Variants in CYP4F12 observed in about 807,000 individuals in gnomAD.
CYP4F12 encodes cytochrome P450 4F12.
In CYP4F12, 60 loss-of-function variants were observed where a neutral mutation model predicts 56.5. That is an observed-to-expected ratio of 1.06 (90% CI 0.86 to 1.32). The LOEUF is 1.32. Among genes scored for constraint, CYP4F12 ranks in the 40% most tolerant of loss-of-function variants. CYP4F12 has a pLI of 0.00. For missense variants in CYP4F12, 711 were observed against 683.5 expected (o/e 1.04, Z -0.45); for synonymous variants, 263 against 264.9 (o/e 0.99, Z 0.07).
chr19:15,675,415 G>A (rs2006868944), intron 2 of CYP4F12, among the ~76,000 whole-genome samples: 1 of 152,202 alleles, frequency 6.6e-6, no homozygotes, highest in Non-Finnish European at 1.5e-5. Flanking sequence ...GCTGAGAATG[G>A]AGGGCCCTCA....
intron 9 of CYP4F12, among the ~76,000 whole-genome samples, chr19:15,687,980 C>G (rs1305755206): frequency 6.6e-6 from 1 of 152,136 alleles, no homozygotes; most frequent in Non-Finnish European, 1.5e-5. Context: ...TTGACCAGAA[C>G]CCGGGAGGCA....
chr19:15,681,784 G>GAAGT (rs2007314995), intron 5 of CYP4F12: 1 of 152,670 alleles, frequency 6.6e-6, no homozygotes, highest in Admixed American at 6.5e-5. Flanking sequence ...GGCTGATGAA[G>GAAGT]AAGTGCCTCT....
chr19:15,691,968 C>A (rs1238468414), intron 9 of CYP4F12, among the ~76,000 whole-genome samples: 4 of 151,596 alleles, frequency 2.6e-5, no homozygotes, highest in Admixed American at 6.6e-5. Flanking sequence ...TTTCTTTTTT[C>A]TTTTTTTGAG....
chr19:15,680,324 G>A, intron 4 of CYP4F12, 27 bp downstream of exon 4: 6 of 1,613,020 alleles, frequency 3.7e-6, no homozygotes, highest in East Asian at 2.2e-5. Context: ...GAAAGGGGTT[G>A]GGGACAACCT....
In CYP4F12 at chr19:15,696,910, A is replaced by G. The variant is rs61391486; in HGVS notation, c.1400A>G (p.Asn467Ser). 481 of 1,611,684 alleles carry G rather than the reference A, an allele frequency of 3.0e-4. 2 individuals are homozygous for G. The African/African-American group carries it at 5.9e-3, about 20-fold the overall frequency. Residue 467 changes from asparagine (N) to serine (S), a missense_variant and splice_region_variant, in exon 13 of 13, where the codon AAC becomes AGC. Physicochemically the swap from Asn to Ser is conservative, Grantham distance 46. Coordinates refer to ENST00000550308, the MANE Select transcript of CYP4F12 (RefSeq NM_023944.4). ...AFIPFSAGPR[N>S]CIGQAFAMAE... ...ACAGTCCCCACTCCCGCCTGCAGGA[A>G]CTGCATCGGGCAGGCGTTCGCCATG...
intron 2 of CYP4F12, among the ~76,000 whole-genome samples, chr19:15,673,991 C>T (rs188753582): frequency 5.5e-4 from 1 of 1,814 alleles, no homozygotes; most frequent in Non-Finnish European, 1.2e-3. Flanking sequence ...ATTCCTCTAC[C>T]CACTCACTCC....
At chr19:15,693,002 A>C (rs6512057) in intron 9 of CYP4F12, among the ~76,000 whole-genome samples, 1 of 151,810 alleles carries the variant, frequency 6.6e-6, no homozygotes, top group Non-Finnish European at 1.5e-5. Context: ...CACTTGAACC[A>C]GGGAGGTGGA....
At position 15,696,486 on chromosome 19, in the gene CYP4F12, T is replaced by A. The variant is rs751788413; in HGVS notation, c.1371T>A (p.Ala457=). 13 of 1,614,070 alleles carry A rather than the reference T, an allele frequency of 8.1e-6. No homozygotes were observed. The highest frequency in any genetic ancestry group is 9.3e-6 in the Non-Finnish European group (11 of 1,179,998). ...ACAGCAAGGGGAGGTCACCTCTGGC[T>A]TTTATTCCTTTCTCCGCAGGGCCCA... is the stretch of plus-strand genomic sequence containing the variant. The part of the protein sequence containing the change: ...PENSKGRSPL[A]FIPFSAGPRN... Residue 457 remains alanine, a synonymous_variant, in exon 12 of 13, where the codon GCT becomes GCA. Transcript: ENST00000550308.
intron 5 of CYP4F12, chr19:15,681,984 G>A (rs567854897): frequency 4.2e-4 from 69 of 165,040 alleles, no homozygotes; most frequent in Non-Finnish European, 7.6e-4. Context: ...GAGGGCCAGA[G>A]AGATTAGGGA....
intron 9 of CYP4F12, among the ~76,000 whole-genome samples, chr19:15,692,039 C>T (rs1158766644): frequency 2.0e-5 from 3 of 152,066 alleles, no homozygotes; most frequent in African/African-American, 7.2e-5. Flanking sequence ...CTTACTGAAA[C>T]CTCCTGCCTC....
At chr19:15,695,070 C>G (rs1478080965) in intron 9 of CYP4F12, among the ~76,000 whole-genome samples, 1 of 152,066 alleles carries the variant, frequency 6.6e-6, no homozygotes, top group African/African-American at 2.4e-5. Context: ...TATTGCGGCA[C>G]TATTCACAAC....
intron 2 of CYP4F12, among the ~76,000 whole-genome samples, chr19:15,674,940 TAGAC>T (rs199679449): frequency 0.024 from 3,708 of 152,112 alleles, 16 homozygotes; most frequent in African/African-American, 0.086. Context: ...TGAGCCCCGA[TAGAC>T]AGGCTGCTCC....
intron 2 of CYP4F12, among the ~76,000 whole-genome samples, chr19:15,674,087 CCACTCACTCACTCCTTTCCT>C (rs1568411830): frequency 1.6e-4 from 2 of 12,708 alleles, no homozygotes; most frequent in Non-Finnish European, 4.0e-4. Context: ...ATTCCTCTAC[CCACTCACTCACTCCTTTCCT>C]CACTCACTCA....
In CYP4F12 at chr19:15,683,696, A is replaced by T. The variant is rs1309461308; in HGVS notation, c.851A>T (p.Asp284Val). ...CGCACCCTCCCCACTCAGGGTATTG[A>T]TGATTTTTTCAAAGACAAAGCCAAG... ...RRRTLPTQGI[D>V]DFFKDKAKSK... Residue 284 changes from aspartate to valine, a missense_variant, in exon 7 of 13, where the codon GAT (aspartate) becomes GTT (valine). Asp to Val is a radical substitution (Grantham distance 152, BLOSUM62 -3). Coordinates refer to ENST00000550308, the MANE Select transcript of CYP4F12 (RefSeq NM_023944.4). 4 of 1,607,878 alleles carry T rather than the reference A, an allele frequency of 2.5e-6. No homozygotes were observed.
At chr19:15,686,816 G>C (rs644584) in intron 9 of CYP4F12, among the ~76,000 whole-genome samples, 43,025 of 151,996 alleles carry the variant, frequency 0.28, 6,617 homozygotes, top group African/African-American at 0.4. Flanking sequence ...CAGGGCAGGG[G>C]CTGGGGATGG....
intron 2 of CYP4F12, among the ~76,000 whole-genome samples, chr19:15,674,832 G>A (rs10402072): frequency 0.93 from 141,043 of 152,112 alleles, 65,447 homozygotes; most frequent in East Asian, 1. Flanking sequence ...CTTCCCTACC[G>A]TAGTGCCCCT....
In CYP4F12 at chr19:15,687,542, A is replaced by G. The variant is rs575961705; in HGVS notation, c.1115+2345A>G. On this transcript the variant is annotated intron_variant, in intron 9 of 12. Transcript: ENST00000550308. ...ACAGTGTAAGCTTTCTTTTCCCAAG[A>G]AACAACACAGGGACTTAACAGGAAA... Among the ~76,000 whole-genome samples the G allele has an allele frequency of 1.4e-4, 21 of 152,346 alleles. 1 individual carries two copies. In the South Asian group the frequency reaches 4.3e-3, roughly 32 times the overall value.
intron 3 of CYP4F12, 63 bp downstream of exon 3, chr19:15,678,468 C>T (rs2007106688): frequency 1.3e-6 from 2 of 1,596,546 alleles, no homozygotes; most frequent in Admixed American, 3.4e-5. Flanking sequence ...CTCTGCAGTA[C>T]CCACGTCCCT....
intron 2 of CYP4F12, among the ~76,000 whole-genome samples, chr19:15,677,099 A>G (rs2006985228): frequency 8.2e-6 from 1 of 121,498 alleles, no homozygotes; most frequent in Non-Finnish European, 1.8e-5. Context: ...CTCCTCACTC[A>G]CTCATTCCTC....
Sources: allele counts gnomAD v4.1 joint callset (sites outside exome capture counted in the v4.1 genomes callset), GRCh38; gene constraint gnomAD v4.1.1; transcripts MANE v1.5; gene names NCBI Gene and HGNC (gene_info 2026-07-23, HGNC 2026-07-21).